The following PCLO variants were observed in gnomAD, a reference collection of about 807,000 sequenced individuals.
The protein encoded by PCLO is protein piccolo.
PCLO carries 82 observed loss-of-function variants against 427.5 expected under a neutral mutation model. The observed-to-expected ratio is 0.19, with a 90% CI of 0.16 to 0.23. PCLO has a LOEUF of 0.23. Ranked by LOEUF, PCLO falls within the 10% of genes least tolerant of loss-of-function variation. The pLI is 1.00. For synonymous variants in PCLO, 2,357 were observed against 2,155.4 expected (o/e 1.09, Z -2.59); for missense variants, 6,239 against 6,115.9 (o/e 1.02, Z -0.67).
At chr7:82,793,465 G>A (rs1791150077) in intron 22 of PCLO, among the ~76,000 whole-genome samples, 1 of 152,102 alleles carries the variant, frequency 6.6e-6, no homozygotes, top group Non-Finnish European at 1.5e-5. Context: ...TGGTCACAGT[G>A]TATACCAGTT....
At chr7:83,059,348 C>A (rs1789482001) in intron 3 of PCLO, among the ~76,000 whole-genome samples, 1 of 96,264 alleles carries the variant, frequency 1.0e-5, no homozygotes, top group African/African-American at 3.6e-5. Context: ...TTTATATATA[C>A]ACCTTTAAAA....
Position 82,849,389 on chromosome 7 carries a change from G to A in PCLO, c.13655-2142C>T, listed in dbSNP as rs188465737. On this transcript the variant is annotated intron_variant, in intron 10 of 24. Coordinates refer to ENST00000333891, the MANE Select transcript of PCLO (RefSeq NM_033026.6). Reference sequence around the variant, plus strand: ...ATGCACCAATGGAAATTCTTTTTGCGCCACCTCAGTTTCCCACCCTAGTTG... The same window carrying A: ...ATGCACCAATGGAAATTCTTTTTGCACCACCTCAGTTTCCCACCCTAGTTG... Among the ~76,000 whole-genome samples, 36 of 152,084 alleles carry A rather than the reference G, an allele frequency of 2.4e-4. No individual in the cohort carries two copies. In the East Asian group the frequency reaches 5.8e-3, roughly 25 times the overall value.
intron 3 of PCLO, among the ~76,000 whole-genome samples, chr7:83,088,089 A>C (rs1159737033): frequency 6.6e-6 from 1 of 152,212 alleles, no homozygotes; most frequent in Non-Finnish European, 1.5e-5. Flanking sequence ...GCAATCTTGA[A>C]ATTTTCCTAT....
chr7:82,756,504 A>ATT lies in PCLO; in HGVS notation c.*2070_*2071insAA, dbSNP rs1790321446. On this transcript the variant is annotated 3_prime_UTR_variant, in exon 25 of 25. Transcript: ENST00000333891. The stretch of plus-strand genomic sequence containing the variant: ...AAGAAAAGTTATGGTTATCTTTCTC[A>ATT]GTTTGGGGAAGATCGAATTTGTATT... The ATT allele has an allele frequency of 6.6e-6, 1 of 151,150 alleles. No individual in the cohort carries two copies. The highest frequency in any genetic ancestry group is 1.5e-5 in the Non-Finnish European group (1 of 67,824). The allele number at this position is 151,150 out of a possible 1,614,324, so 9.4% of individuals were successfully genotyped here. A position where few individuals can be genotyped will look rare whatever the true frequency, so the allele number is the denominator to read the frequency against.
chr7:83,141,191 A>G (rs964672998), intron 2 of PCLO, among the ~76,000 whole-genome samples: 3 of 152,194 alleles, frequency 2.0e-5, no homozygotes, highest in African/African-American at 4.8e-5. Flanking sequence ...GGAGAAACGG[A>G]ATAAACTCTA....
At chr7:82,896,395 C>T (rs1399894311) in intron 9 of PCLO, among the ~76,000 whole-genome samples, 1 of 151,472 alleles carries the variant, frequency 6.6e-6, no homozygotes, top group Non-Finnish European at 1.5e-5. Flanking sequence ...AACCAGACAC[C>T]AAAACTGTAT....
intron 3 of PCLO, among the ~76,000 whole-genome samples, chr7:83,107,710 A>ACT (rs1554398472): frequency 3.0e-4 from 8 of 26,890 alleles, no homozygotes; most frequent in Non-Finnish European, 5.8e-4. Context: ...ATAAGAAGAG[A>ACT]ATATGTGCGG....
At position 83,162,516 on chromosome 7, in the gene PCLO, G is replaced by A. The variant is rs760270524; in HGVS notation, c.77C>T (p.Ala26Val). Reference protein sequence around the residue: ...LAAAAAAGGGASGAGSPSHTA... With the variant: ...LAAAAAAGGGVSGAGSPSHTA... ...GTGAGAGGGGCTCCCCGCCCCGCTA[G>A]CTCCTCCTCCAGCCGCTGCGGCCGC... The change falls in exon 1 of 25, where the codon GCT (alanine) becomes GTT (valine). Residue 26 changes from alanine (A) to valine (V), a missense_variant. Around this residue, in one of 5 missense-constraint regions of PCLO, gnomAD observed 4,677 missense variants for 4,468.4 expected, o/e 1.05. Coordinates refer to ENST00000333891, the MANE Select transcript of PCLO (RefSeq NM_033026.6). 1.3e-6 allele frequency: 2 copies of A among 1,560,896 alleles called. No homozygotes were observed. Among genetic ancestry groups the A allele is most frequent in the Non-Finnish European group, 1.7e-6 (2 of 1,153,552 alleles).
At chr7:83,098,354 T>C (rs1261388059) in intron 3 of PCLO, among the ~76,000 whole-genome samples, 2 of 152,166 alleles carry the variant, frequency 1.3e-5, no homozygotes, top group African/African-American at 4.8e-5. Flanking sequence ...TATTAGTGTA[T>C]TGTTAATGAT....
intron 22 of PCLO, among the ~76,000 whole-genome samples, chr7:82,783,952 T>C (rs958927531): frequency 6.6e-6 from 1 of 151,228 alleles, no homozygotes; most frequent in African/African-American, 2.4e-5. Flanking sequence ...TATGTATATA[T>C]AGACACATAC....
In PCLO at chr7:82,757,891, A is replaced by T. The variant is rs1384509437; in HGVS notation, c.*684T>A. 1 of 152,026 alleles carries T rather than the reference A, an allele frequency of 6.6e-6. No individual in the cohort carries two copies. The highest frequency in any genetic ancestry group is 2.4e-5 in the African/African-American group (1 of 41,434). 9.4% of individuals were successfully genotyped at this position (152,026 alleles called of 1,614,324 possible). Reference sequence around the variant, plus strand: ...TATTATCTTCACTCTACCTTGTTTCAAATGATACAGAAACAAATGTGCTTT... The same window carrying T: ...TATTATCTTCACTCTACCTTGTTTCTAATGATACAGAAACAAATGTGCTTT... On this transcript the variant is annotated 3_prime_UTR_variant, in exon 25 of 25. Coordinates refer to ENST00000333891, the MANE Select transcript of PCLO (RefSeq NM_033026.6).
chr7:82,770,251 T>A (rs996041763), intron 22 of PCLO, among the ~76,000 whole-genome samples: 1 of 152,072 alleles, frequency 6.6e-6, no homozygotes, highest in Admixed American at 6.6e-5. Context: ...CCCTTATTCT[T>A]TTTTTAAAAA....
chr7:83,135,827 T>C (rs1481852817), intron 2 of PCLO, among the ~76,000 whole-genome samples, 171 bp from the exon 3 acceptor site: 1 of 152,008 alleles, frequency 6.6e-6, no homozygotes, highest in Non-Finnish European at 1.5e-5. Context: ...TTGCCAGGCG[T>C]GGTGGCTCAT....
chr7:82,870,206 C>G (rs1379129255), intron 10 of PCLO, among the ~76,000 whole-genome samples: 1 of 151,946 alleles, frequency 6.6e-6, no homozygotes, highest in East Asian at 1.9e-4. Flanking sequence ...CAATGGTATA[C>G]TAACCAAAAG....
At chr7:83,040,369 GC>G (rs1788942861) in intron 3 of PCLO, among the ~76,000 whole-genome samples, 1 of 152,082 alleles carries the variant, frequency 6.6e-6, no homozygotes, top group Non-Finnish European at 1.5e-5. Flanking sequence ...GTTTGGGCAG[GC>G]TCTCTTTGAC....
At chr7:83,073,115 C>T (rs957490644) in intron 3 of PCLO, among the ~76,000 whole-genome samples, 1 of 151,922 alleles carries the variant, frequency 6.6e-6, no homozygotes, top group African/African-American at 2.4e-5. Flanking sequence ...GGACAGCCTC[C>T]CTGCCATCTA....
Position 82,949,909 on chromosome 7 carries a change from T to G in PCLO, c.10679A>C (p.Tyr3560Ser), listed in dbSNP as rs758192541. ...TTGACATCCTAAACTGCCCCCTTTG[T>G]AAGTCTTTTCAGGTGCTGAAATGTG... ...IKHISAPEKT[Y>S]KGGSLGCQTE... The change falls in exon 6 of 25, where the codon TAC becomes TCC. Residue 3560 changes from tyrosine to serine, a missense_variant. Tyr to Ser is a moderately radical substitution (Grantham distance 144). This residue lies in a region of PCLO where 4,677 missense variants were observed against 4,468.4 expected (regional missense o/e 1.05). Coordinates refer to ENST00000333891, the MANE Select transcript of PCLO (RefSeq NM_033026.6). 1 of 1,613,734 alleles carries G rather than the reference T, an allele frequency of 6.2e-7. No homozygotes were observed. The highest frequency in any genetic ancestry group is 8.5e-7 in the Non-Finnish European group (1 of 1,179,840).
intron 3 of PCLO, among the ~76,000 whole-genome samples, chr7:83,107,733 A>G (rs6975088): frequency 0.49 from 72,403 of 146,574 alleles, 18,142 homozygotes; most frequent in East Asian, 0.71. Context: ...GCTCACGCCT[A>G]TAATCCCAGC....
intron 6 of PCLO, among the ~76,000 whole-genome samples, chr7:82,933,662 A>C (rs1422021027): frequency 6.6e-6 from 1 of 151,964 alleles, no homozygotes; most frequent in Non-Finnish European, 1.5e-5. Context: ...GCTGACATTG[A>C]ACATTTATGC....
Sources: gnomAD v4.1 joint callset for allele counts (sites outside exome capture counted in the v4.1 genomes callset) on GRCh38, gnomAD v4.1.1 for gene constraint, gnomAD v4.1.1 regional missense constraint, MANE v1.5 for transcripts, NCBI Gene and HGNC (gene_info 2026-07-23, HGNC 2026-07-21) for gene names.